The following MARK1 variants were observed in gnomAD, a reference collection of about 807,000 sequenced individuals.
The protein encoded by MARK1 is microtubule affinity regulating kinase 1.
A neutral mutation model predicts 96.3 loss-of-function variants in MARK1; 40 were observed. The observed-to-expected ratio is 0.42, with a 90% CI of 0.32 to 0.54. The LOEUF (loss-of-function observed/expected upper bound fraction) is 0.54. Ranked by LOEUF, MARK1 falls within the 20% of genes least tolerant of loss-of-function variation. The pLI, the probability that MARK1 is intolerant of heterozygous loss-of-function variation, is 0.16. For missense variants in MARK1, 719 were observed against 984.6 expected (o/e 0.73, Z 3.61); for synonymous variants, 317 against 341.2 (o/e 0.93, Z 0.78).
At chr1:220,647,933 T>C (rs2103044901) in intron 13 of MARK1, among the ~76,000 whole-genome samples, 1 of 152,118 alleles carries the variant, frequency 6.6e-6, no homozygotes, top group East Asian at 1.9e-4. Context: ...GAAAAATAGC[T>C]ATTGCATGCT....
At chr1:220,546,985 A>AG in intron 1 of MARK1, among the ~76,000 whole-genome samples, 2 of 151,844 alleles carry the variant, frequency 1.3e-5, no homozygotes, top group Non-Finnish European at 1.5e-5. Context: ...AAAAAAAAAA[A>AG]AAGAAAAAAG....
intron 9 of MARK1, among the ~76,000 whole-genome samples, chr1:220,620,578 T>A (rs1667002895): frequency 6.6e-6 from 1 of 152,190 alleles, no homozygotes. Flanking sequence ...TGTGCTTATG[T>A]CTTAAAGATG....
At chr1:220,558,838 C>CTCAAAACA (rs1400037511) in intron 1 of MARK1, among the ~76,000 whole-genome samples, 1 of 151,946 alleles carries the variant, frequency 6.6e-6, no homozygotes, top group African/African-American at 2.4e-5. Flanking sequence ...TGTATAGAGT[C>CTCAAAACA]GTATACTCTC....
chr1:220,660,885 T>C (rs1239923099), intron 17 of MARK1, among the ~76,000 whole-genome samples: 1 of 152,200 alleles, frequency 6.6e-6, no homozygotes, highest in Non-Finnish European at 1.5e-5. Flanking sequence ...TACAGTCTAA[T>C]GGTAGATTCA....
intron 9 of MARK1, among the ~76,000 whole-genome samples, chr1:220,628,513 T>A (rs1285673636): frequency 6.6e-6 from 1 of 152,200 alleles, no homozygotes; most frequent in Non-Finnish European, 1.5e-5. Context: ...TTTGGCTATA[T>A]TTGACAGGAC....
At chr1:220,530,761 G>A (rs1450714066) in intron 1 of MARK1, among the ~76,000 whole-genome samples, 1 of 152,152 alleles carries the variant, frequency 6.6e-6, no homozygotes, top group African/African-American at 2.4e-5. Flanking sequence ...TGTATAAACT[G>A]ATTTGCTGTT....
intron 1 of MARK1, among the ~76,000 whole-genome samples, chr1:220,576,149 CT>C (rs1330357175): frequency 6.6e-6 from 1 of 150,906 alleles, no homozygotes; most frequent in Non-Finnish European, 1.5e-5. Context: ...TGTGTATCTA[CT>C]GACATTGCCG....
intron 3 of MARK1, among the ~76,000 whole-genome samples, chr1:220,589,408 T>C (rs922342464): frequency 1.3e-5 from 2 of 152,112 alleles, no homozygotes; most frequent in African/African-American, 4.8e-5. Flanking sequence ...ATGCACATAA[T>C]TGAGGGAAAT....
chr1:220,619,148 T>G (rs1666920749), intron 9 of MARK1, among the ~76,000 whole-genome samples: 1 of 152,214 alleles, frequency 6.6e-6, no homozygotes, highest in Admixed American at 6.5e-5. Context: ...TAATGAATAT[T>G]TCACAGCTAT....
chr1:220,616,643 C>CA (rs1666767777), intron 7 of MARK1, among the ~76,000 whole-genome samples: 1 of 151,474 alleles, frequency 6.6e-6, no homozygotes, highest in Non-Finnish European at 1.5e-5. Context: ...CAACTACTAT[C>CA]ACCAGTTTGG....
intron 6 of MARK1, among the ~76,000 whole-genome samples, chr1:220,609,013 T>C (rs954942512): frequency 3.3e-5 from 5 of 152,232 alleles, no homozygotes; most frequent in Non-Finnish European, 7.3e-5. Context: ...AAAGTGATGC[T>C]GAGAAGAATG....
Position 220,542,424 on chromosome 1 carries a change from T to C in MARK1, c.51+13551T>C, listed in dbSNP as rs1428481200. ...GATGGTGTCATTCACTATGGTTGTT[T>C]CTTATTGAATGTGCTGGTATTTGAT... On this transcript the variant is annotated intron_variant, in intron 1 of 17. Coordinates refer to ENST00000366917, the MANE Select transcript of MARK1 (RefSeq NM_018650.5). 1.1e-4 allele frequency among the ~76,000 whole-genome samples: 17 copies of C among 152,342 alleles called. No homozygotes were observed. In the East Asian group the frequency reaches 3.3e-3, roughly 29 times the overall value.
At chr1:220,604,867 T>C (rs536071464) in intron 6 of MARK1, among the ~76,000 whole-genome samples, 18 of 152,226 alleles carry the variant, frequency 1.2e-4, no homozygotes, top group African/African-American at 4.3e-4. Context: ...AATTAGTGAA[T>C]TGTAAATTGT....
At chr1:220,574,222 GGCTTGACTCAAACTTCAAATTCAGCCT>G (rs1232270799) in intron 1 of MARK1, among the ~76,000 whole-genome samples, 1 of 152,138 alleles carries the variant, frequency 6.6e-6, no homozygotes, top group African/African-American at 2.4e-5. Flanking sequence ...CAGTTAATTT[GGCTTGACTCAAACTTCAAATTCAGCCT>G]GCGTTGTGGT....
chr1:220,540,662 A>G (rs1445532844), intron 1 of MARK1, among the ~76,000 whole-genome samples: 1 of 152,060 alleles, frequency 6.6e-6, no homozygotes, highest in African/African-American at 2.4e-5. Context: ...TATCGTTTTT[A>G]TTTCTGTGGC....
intron 13 of MARK1, among the ~76,000 whole-genome samples, chr1:220,642,462 G>T (rs924477697): frequency 5.9e-5 from 9 of 152,148 alleles, no homozygotes; most frequent in Non-Finnish European, 8.8e-5. Context: ...CTCCAGCCAG[G>T]GTCTTACAGA....
At chr1:220,542,976 C>T (rs912673879) in intron 1 of MARK1, among the ~76,000 whole-genome samples, 1 of 152,122 alleles carries the variant, frequency 6.6e-6, no homozygotes, top group Non-Finnish European at 1.5e-5. Context: ...ATTCTCGTAT[C>T]TGTATACTTT....
At chr1:220,608,639 T>C (rs1416905416) in intron 6 of MARK1, among the ~76,000 whole-genome samples, 6 of 152,182 alleles carry the variant, frequency 3.9e-5, no homozygotes, top group Non-Finnish European at 5.9e-5. Flanking sequence ...GTTCTTTTAA[T>C]TGTGAGGTTA....
intron 1 of MARK1, among the ~76,000 whole-genome samples, chr1:220,530,676 CA>C (rs777284732): frequency 7.2e-5 from 11 of 152,114 alleles, no homozygotes; most frequent in African/African-American, 2.4e-4. Context: ...TAAGAACACA[CA>C]AAAAAGGATT....
Sources: allele counts gnomAD v4.1 joint callset (sites outside exome capture counted in the v4.1 genomes callset), GRCh38; gene constraint gnomAD v4.1.1; transcripts MANE v1.5; gene names NCBI Gene and HGNC (gene_info 2026-07-23, HGNC 2026-07-21).